GABARAPL2: variants seen among roughly 807,000 people sequenced by gnomAD.
GABARAPL2 encodes GABA type A receptor associated protein like 2.
In GABARAPL2, 11 loss-of-function variants were observed where a neutral mutation model predicts 16.9. The ratio of observed to expected loss-of-function variants is 0.65; its 90% CI spans 0.41 to 1.08. The LOEUF is 1.08. Ranked by LOEUF, GABARAPL2 falls within the 50% of genes least tolerant of loss-of-function variation. GABARAPL2 has a pLI of 0.00. For synonymous variants in GABARAPL2, 57 were observed against 50.7 expected, an observed-to-expected ratio of 1.12 and a Z score of -0.53; for missense variants, 134 against 142.5, an observed-to-expected ratio of 0.94 and a Z score of 0.30.
intron 3 of GABARAPL2, among the ~76,000 whole-genome samples, chr16:75,569,171 C>T (rs921287734): frequency 6.6e-6 from 1 of 152,238 alleles, no homozygotes; most frequent in African/African-American, 2.4e-5. Flanking sequence ...TGCCAAATTC[C>T]AGACCTTATT....
intron 3 of GABARAPL2, chr16:75,577,006 A>G: frequency 3.1e-6 from 1 of 325,172 alleles, no homozygotes. Context: ...TTGGCATTTA[A>G]GAGGCATCCA....
intron 3 of GABARAPL2, among the ~76,000 whole-genome samples, chr16:75,574,364 C>G (rs2080934523): frequency 6.6e-6 from 1 of 152,242 alleles, no homozygotes; most frequent in South Asian, 2.1e-4. Context: ...TGGGGCGACT[C>G]TGAATTGCAC....
intron 3 of GABARAPL2, chr16:75,576,946 A>G (rs1039929834): frequency 8.8e-6 from 2 of 226,108 alleles, no homozygotes; most frequent in African/African-American, 4.6e-5. Flanking sequence ...TTACCCACAC[A>G]GAGGTGAGCC....
chr16:75,575,842 T>C (rs2080946268), intron 3 of GABARAPL2: 2 of 152,228 alleles, frequency 1.3e-5, no homozygotes, highest in African/African-American at 4.8e-5. Context: ...TAATATATTT[T>C]ATTTGACCCA....
At chr16:75,566,692 C>T (rs1192638042) in intron 1 of GABARAPL2, 160 bp from the exon 2 acceptor site, 3 of 958,976 alleles carry the variant, frequency 3.1e-6, no homozygotes, top group African/African-American at 1.6e-5. Context: ...TGTCACCCTC[C>T]GCGGGCCTTG....
At chr16:75,573,489 G>A (rs1400367457) in intron 3 of GABARAPL2, among the ~76,000 whole-genome samples, 1 of 152,218 alleles carries the variant, frequency 6.6e-6, no homozygotes, top group African/African-American at 2.4e-5. Context: ...AGGACACAGT[G>A]CTACTGCCAA....
At chr16:75,569,200 C>A (rs956521635) in intron 3 of GABARAPL2, among the ~76,000 whole-genome samples, 2 of 152,240 alleles carry the variant, frequency 1.3e-5, no homozygotes, top group African/African-American at 4.8e-5. Flanking sequence ...AGGTGGAAAG[C>A]TCTGGCCATT....
At chr16:75,570,060 A>G (rs546962869) in intron 3 of GABARAPL2, among the ~76,000 whole-genome samples, 1 of 152,212 alleles carries the variant, frequency 6.6e-6, no homozygotes, top group Admixed American at 6.5e-5. Context: ...ATCACCCTAC[A>G]CTTAATGCAA....
intron 3 of GABARAPL2, among the ~76,000 whole-genome samples, chr16:75,574,669 A>G (rs2080936865): frequency 6.6e-6 from 1 of 151,942 alleles, no homozygotes; most frequent in Non-Finnish European, 1.5e-5. Flanking sequence ...TCTACTTCCT[A>G]ATCACATAGC....
At chr16:75,566,672 C>G in intron 1 of GABARAPL2, 152 bp downstream of exon 1, 1 of 994,958 alleles carries the variant, frequency 1.0e-6, no homozygotes, top group Admixed American at 2.3e-5. Flanking sequence ...GCAGCGGCCC[C>G]CTGACCCCAT....
intron 3 of GABARAPL2, 175 bp downstream of exon 3, chr16:75,568,384 C>A: frequency 2.2e-6 from 1 of 462,176 alleles, no homozygotes; most frequent in South Asian, 4.7e-5. Context: ...CATAAGAGTG[C>A]ATTTTGGATT....
At chr16:75,568,416 G>A (rs1289776400) in intron 3 of GABARAPL2, 3 of 409,926 alleles carry the variant, frequency 7.3e-6, no homozygotes, top group Non-Finnish European at 1.3e-5. Context: ...ACAAGGCCTG[G>A]ACTTTTAAAA....
intron 3 of GABARAPL2, among the ~76,000 whole-genome samples, chr16:75,574,120 G>T (rs1251564242): frequency 6.6e-6 from 1 of 152,176 alleles, no homozygotes; most frequent in African/African-American, 2.4e-5. Context: ...CTCCTGTCCT[G>T]CCAAGAGTCA....
At chr16:75,568,379 G>C in intron 3 of GABARAPL2, 170 bp downstream of exon 3, 2 of 487,118 alleles carry the variant, frequency 4.1e-6, no homozygotes, top group South Asian at 4.0e-5. Flanking sequence ...CAATACATAA[G>C]AGTGCATTTT....
At chr16:75,566,817 G>A in intron 1 of GABARAPL2, 35 bp from the exon 2 acceptor site, 3 of 1,601,590 alleles carry the variant, frequency 1.9e-6, no homozygotes, top group African/African-American at 2.7e-5. Flanking sequence ...CCGGTGGGCA[G>A]GCGCGGCCGT....
At chr16:75,569,017 C>T (rs2080900243) in intron 3 of GABARAPL2, among the ~76,000 whole-genome samples, 1 of 152,148 alleles carries the variant, frequency 6.6e-6, no homozygotes, top group African/African-American at 2.4e-5. Flanking sequence ...CACATCTTAT[C>T]TTTGTGACCC....
intron 3 of GABARAPL2, among the ~76,000 whole-genome samples, chr16:75,573,093 G>GT (rs2080925999): frequency 1.3e-5 from 2 of 152,354 alleles, no homozygotes; most frequent in African/African-American, 4.8e-5. Context: ...TCAGTGCTGT[G>GT]TATAGCTCAG....
chr16:75,569,940 T>C lies in GABARAPL2; in HGVS notation c.263+1731T>C, dbSNP rs76684569. 9.5e-3 allele frequency among the ~76,000 whole-genome samples: 1,444 copies of C among 152,244 alleles called. 25 individuals are homozygous for C. The highest frequency in any genetic ancestry group is 0.033 in the African/African-American group (1,374 of 41,526). ...ATTACACTGGTAACTCAAGTCAGGA[T>C]TTTAGGGCCGAGTAGCCAGAAATCC... On this transcript the variant is annotated intron_variant, in intron 3 of 3. Transcript: ENST00000037243.
At chr16:75,568,591 C>T (rs2080897351) in intron 3 of GABARAPL2, among the ~76,000 whole-genome samples, 1 of 152,254 alleles carries the variant, frequency 6.6e-6, no homozygotes, top group Admixed American at 6.5e-5. Flanking sequence ...TGCTGAGGCT[C>T]ACTCAGTTAA....
Sources: gnomAD v4.1 joint callset for allele counts (sites outside exome capture counted in the v4.1 genomes callset) on GRCh38, gnomAD v4.1.1 for gene constraint, MANE v1.5 for transcripts, NCBI Gene and HGNC (gene_info 2026-07-23, HGNC 2026-07-21) for gene names.